The following NFIX variants were observed in gnomAD, a reference collection of about 807,000 sequenced individuals.
NFIX encodes nuclear factor I X, also known as nuclear factor 1 X-type.
In NFIX, 2 loss-of-function variants were observed where a neutral mutation model predicts 53.3. The ratio of observed to expected loss-of-function variants is 0.04; its 90% CI spans 0.02 to 0.12. The LOEUF (loss-of-function observed/expected upper bound fraction) is 0.12. NFIX is among the 10% of genes least tolerant of loss of function. The pLI, the probability that NFIX is intolerant of heterozygous loss-of-function variation, is 1.00. For missense variants in NFIX, 310 were observed against 674.5 expected, an observed-to-expected ratio of 0.46 and a Z score of 5.99; for synonymous variants, 244 against 289.0, an observed-to-expected ratio of 0.84 and a Z score of 1.58.
Position 13,097,327 on chromosome 19 carries a change from T to TA in NFIX, c.*2684dup, listed in dbSNP as rs2018522930. Reference sequence around the variant, plus strand: ...AGTTTAAAAAAAACACCTCGACATTTAAAAAATCAACCAACACAAGATCAA... The same window carrying TA: ...AGTTTAAAAAAAACACCTCGACATTTAAAAAAATCAACCAACACAAGATCAA... On this transcript the variant is annotated 3_prime_UTR_variant, in exon 11 of 11. Transcript: ENST00000592199. The TA allele has an allele frequency of 6.6e-6, 1 of 152,228 alleles. No homozygotes were observed. The highest frequency in any genetic ancestry group is 1.5e-5 in the Non-Finnish European group (1 of 67,952). 9.4% of individuals were successfully genotyped at this position (152,228 alleles called of 1,614,324 possible).
At chr19:13,008,168 G>A (rs1371689162) in intron 1 of NFIX, among the ~76,000 whole-genome samples, 1 of 152,182 alleles carries the variant, frequency 6.6e-6, no homozygotes, top group East Asian at 1.9e-4. Flanking sequence ...TGGGAAAAAC[G>A]TACGGCTCCG....
chr19:12,998,035 C>T lies in NFIX; in HGVS notation c.27+2171C>T, dbSNP rs1183140129. ...GTCAGTGGGGTCTGGCCTGCCCCTC[C>T]CTAACAATCACATCTCTGTTTTTAC... On this transcript the variant is annotated intron_variant, in intron 1 of 10. Transcript: ENST00000592199. This position sits in a 1 kb window ranked among gnomAD's most constrained non-coding sequence, Gnocchi z 4.4. 1.3e-5 allele frequency among the ~76,000 whole-genome samples: 2 copies of T among 152,080 alleles called. No homozygotes were observed. Among genetic ancestry groups the T allele is most frequent in the East Asian group, 3.9e-4 (2 of 5,184 alleles).
In NFIX at chr19:13,053,707, AC is replaced by A. The variant is rs374500689; in HGVS notation, c.560-19335del. Among the ~76,000 whole-genome samples, 31 of 152,148 alleles carry A rather than the reference AC, an allele frequency of 2.0e-4. No individual in the cohort carries two copies. The South Asian group carries it at 6.4e-3, about 32-fold the overall frequency. On this transcript the variant is annotated intron_variant, in intron 2 of 10. Transcript: ENST00000592199. ...TCAGAAGGGTGGATTTGGGACATATACCCCCACCAGTTGAGGGAGGTCAGGA... is the reference window on the plus strand; with the variant it reads ...TCAGAAGGGTGGATTTGGGACATATACCCCACCAGTTGAGGGAGGTCAGGA...
rs576976265 is a variant in NFIX at position 13,006,785 on chromosome 19, C to T, written c.27+10921C>T. Among the ~76,000 whole-genome samples the T allele has an allele frequency of 6.6e-6, 1 of 152,366 alleles. No homozygotes were observed. Among genetic ancestry groups the T allele is most frequent in the South Asian group, 2.1e-4 (1 of 4,834 alleles). On this transcript the variant is annotated intron_variant, in intron 1 of 10. Coordinates refer to ENST00000592199, the MANE Select transcript of NFIX (RefSeq NM_001365902.3). The surrounding 1 kb of genome is among the most constrained non-coding windows in gnomAD (Gnocchi z 5.6). ...CCCCAAAGCTCCAGGCTTGAGAGCT[C>T]TGGGCTGGGGCCCGGCGGGGTCGGC...
intron 1 of NFIX, among the ~76,000 whole-genome samples, chr19:12,997,545 CACA>C (rs1386816853): frequency 6.6e-6 from 1 of 152,230 alleles, no homozygotes; most frequent in African/African-American, 2.4e-5. Context: ...GGGCGCCCCT[CACA>C]ACAACTGCCT....
At chr19:13,056,789 G>C (rs2015725153) in intron 2 of NFIX, among the ~76,000 whole-genome samples, 1 of 152,228 alleles carries the variant, frequency 6.6e-6, no homozygotes, top group Admixed American at 6.5e-5. Flanking sequence ...CAAAAATTAA[G>C]AATTTCAAGA....
At position 13,036,812 on chromosome 19, in the gene NFIX, G is replaced by A. The variant is rs963722575; in HGVS notation, c.559+11260G>A. ...CACCAGAGCCACCTTATAAATACCC[G>A]TGCTGGGCTATAAATTTCTGAGCAG... On this transcript the variant is annotated intron_variant, in intron 2 of 10. Coordinates refer to ENST00000592199, the MANE Select transcript of NFIX (RefSeq NM_001365902.3). The surrounding 1 kb of genome is among the most constrained non-coding windows in gnomAD (Gnocchi z 4.7). Among the ~76,000 whole-genome samples, 8 of 152,122 alleles carry A rather than the reference G, an allele frequency of 5.3e-5. No individual in the cohort carries two copies. The South Asian group carries it at 6.2e-4, about 12-fold the overall frequency.
rs2012229455 is a variant in NFIX at position 13,009,790 on chromosome 19, TAG to T, written c.27+13927_27+13928del. Among the ~76,000 whole-genome samples, 1 of 152,204 alleles carries T rather than the reference TAG, an allele frequency of 6.6e-6. No homozygotes were observed. The highest frequency in any genetic ancestry group is 1.5e-5 in the Non-Finnish European group (1 of 68,026). On this transcript the variant is annotated intron_variant, in intron 1 of 10. Transcript: ENST00000592199. This position sits in a 1 kb window ranked among gnomAD's most constrained non-coding sequence, Gnocchi z 4.7. Reference sequence around the variant, plus strand: ...GGGGCAACTACAAGTACAGTAGCACTAGGCTTGAGTGTCTGATGTGTGAGTGG... The same window carrying T: ...GGGGCAACTACAAGTACAGTAGCACTGCTTGAGTGTCTGATGTGTGAGTGG...
chr19:13,003,922 G>C (rs955691554), intron 1 of NFIX, among the ~76,000 whole-genome samples: 1 of 151,902 alleles, frequency 6.6e-6, no homozygotes, highest in Non-Finnish European at 1.5e-5. Context: ...CTACAGCCGA[G>C]CACCACCATA....
Position 13,090,844 on chromosome 19 carries a change from C to G in NFIX, c.1494+454C>G, listed in dbSNP as rs985193131. Among the ~76,000 whole-genome samples, 1 of 152,206 alleles carries G rather than the reference C, an allele frequency of 6.6e-6. No individual in the cohort carries two copies. Among genetic ancestry groups the G allele is most frequent in the South Asian group, 2.1e-4 (1 of 4,836 alleles). ...GAGGGACAGAGGGCCTGGTGGGCTG[C>G]GTGCCCAGAACTGGCACTGAGGGCA... On this transcript the variant is annotated intron_variant, in intron 10 of 10. Coordinates refer to ENST00000592199, the MANE Select transcript of NFIX (RefSeq NM_001365902.3). This position sits in a 1 kb window ranked among gnomAD's most constrained non-coding sequence, Gnocchi z 6.6.
rs1416846635 is a variant in NFIX, at chr19:13,052,825, CAG to C, written c.560-20221_560-20220del. On this transcript the variant is annotated intron_variant, in intron 2 of 10. Transcript: ENST00000592199. The surrounding 1 kb of genome is among the most constrained non-coding windows in gnomAD (Gnocchi z 5.2). ...ACCAGAGGAGTGAGGATGATGAGGA[CAG>C]GGACATTAATCACAGTTCTGTTCTG... Among the ~76,000 whole-genome samples the C allele has an allele frequency of 2.0e-5, 3 of 152,198 alleles. No homozygotes were observed. The highest frequency in any genetic ancestry group is 7.2e-5 in the African/African-American group (3 of 41,444).
At position 13,073,170 on chromosome 19, in the gene NFIX, C is replaced by T. The variant is rs1318970860; in HGVS notation, c.622+61C>T. ...TTCATGCCCCTCCACTTCCTTCCCC[C>T]ACCCTGGCTGCCCTGGCCACCCTCA... On this transcript the variant is annotated intron_variant, in intron 3 of 10. Coordinates refer to ENST00000592199, the MANE Select transcript of NFIX (RefSeq NM_001365902.3). The surrounding 1 kb of genome is among the most constrained non-coding windows in gnomAD (Gnocchi z 4.5). 2.6e-6 allele frequency: 4 copies of T among 1,531,678 alleles called. No homozygotes were observed. Among genetic ancestry groups the T allele is most frequent in the African/African-American group, 2.7e-5 (2 of 73,470 alleles). The allele number at this position is 1,531,678 out of a possible 1,614,324, so 94.9% of individuals were successfully genotyped here.
At position 13,001,370 on chromosome 19, in the gene NFIX, GC is replaced by G. The variant is rs1284843804; in HGVS notation, c.27+5509del. Among the ~76,000 whole-genome samples the G allele has an allele frequency of 1.3e-5, 2 of 152,016 alleles. No homozygotes were observed. The highest frequency in any genetic ancestry group is 4.8e-5 in the African/African-American group (2 of 41,390). On this transcript the variant is annotated intron_variant, in intron 1 of 10. Coordinates refer to ENST00000592199, the MANE Select transcript of NFIX (RefSeq NM_001365902.3). The surrounding 1 kb of genome is among the most constrained non-coding windows in gnomAD (Gnocchi z 6.5). ...CATGTGACTCCACGGATCATCGCAC[GC>G]CCTGTCTCTTGTGTATTTGGTAGTG... is the stretch of plus-strand genomic sequence containing the variant.
At chr19:13,033,923 G>A (rs1296148315) in intron 2 of NFIX, among the ~76,000 whole-genome samples, 1 of 152,190 alleles carries the variant, frequency 6.6e-6, no homozygotes, top group Non-Finnish European at 1.5e-5. Flanking sequence ...CAGTGTGCCT[G>A]GAGCTGATTC....
chr19:13,066,549 G>T lies in NFIX; in HGVS notation c.560-6498G>T, dbSNP rs138125323. ...CCCCTTTGGATCTGTGAGCAGGGAG[G>T]GAATGAGGAAAGGGGAGAGGACGAT... On this transcript the variant is annotated intron_variant, in intron 2 of 10. Coordinates refer to ENST00000592199, the MANE Select transcript of NFIX (RefSeq NM_001365902.3). This position sits in a 1 kb window ranked among gnomAD's most constrained non-coding sequence, Gnocchi z 4.2. 6.6e-6 allele frequency among the ~76,000 whole-genome samples: 1 copy of T among 152,298 alleles called. No individual in the cohort carries two copies. The highest frequency in any genetic ancestry group is 1.5e-5 in the Non-Finnish European group (1 of 68,026).
At chr19:13,062,154 A>G (rs1037178030) in intron 2 of NFIX, among the ~76,000 whole-genome samples, 3 of 152,204 alleles carry the variant, frequency 2.0e-5, no homozygotes, top group Non-Finnish European at 4.4e-5. Context: ...TGCTGTTCTC[A>G]GTGAGGCTCC....
In NFIX at chr19:13,086,341, C is replaced by T. The variant is rs535539902; in HGVS notation, c.1255-1648C>T. ...GGATTTGGGGGAGAGGATTGATGAG[C>T]CTGGTGGAAAGAATCCTAGCATCCC... is the stretch of plus-strand genomic sequence containing the variant. On this transcript the variant is annotated intron_variant, in intron 8 of 10. Coordinates refer to ENST00000592199, the MANE Select transcript of NFIX (RefSeq NM_001365902.3). Among the ~76,000 whole-genome samples the T allele has an allele frequency of 7.6e-4, 116 of 152,256 alleles. 1 individual carries two copies. The South Asian group carries it at 0.023, about 30-fold the overall frequency.
intron 6 of NFIX, among the ~76,000 whole-genome samples, chr19:13,077,320 C>T (rs1423033846): frequency 6.6e-6 from 1 of 152,198 alleles, no homozygotes; most frequent in Non-Finnish European, 1.5e-5. Context: ...CACGCACGGC[C>T]CCTCAACATC....
chr19:13,026,245 C>A (rs951258220), intron 2 of NFIX, among the ~76,000 whole-genome samples: 1 of 152,100 alleles, frequency 6.6e-6, no homozygotes, highest in South Asian at 2.1e-4. Context: ...CTCCTTATTT[C>A]AGCTAAAGTG....
Sources: gnomAD v4.1 joint callset for allele counts (sites outside exome capture counted in the v4.1 genomes callset) on GRCh38, gnomAD v4.1.1 for gene constraint, Gnocchi (gnomAD v3.1) non-coding constraint, MANE v1.5 for transcripts, NCBI Gene and HGNC (gene_info 2026-07-23, HGNC 2026-07-21) for gene names.